The following PDZD2 variants were observed in gnomAD, a reference collection of about 807,000 sequenced individuals.
PDZD2 encodes PDZ domain-containing protein 2.
Under a neutral mutation model 220.7 loss-of-function variants are expected in PDZD2, and 90 were observed. That is an observed-to-expected ratio of 0.41 (90% CI 0.34 to 0.49). The LOEUF is 0.49. Among genes scored for constraint, PDZD2 ranks in the 20% least tolerant of loss-of-function variants. The pLI, the probability that PDZD2 is intolerant of heterozygous loss-of-function variation, is 0.28. For synonymous variants in PDZD2, 1,375 were observed against 1,450.5 expected (o/e 0.95, Z 1.18); for missense variants, 3,174 against 3,608.5 (o/e 0.88, Z 3.08).
At position 32,010,046 on chromosome 5, in the gene PDZD2, C is replaced by T. The variant is rs1264504545; in HGVS notation, c.1255-284C>T. Among the ~76,000 whole-genome samples, 4 of 139,942 alleles carry T rather than the reference C, an allele frequency of 2.9e-5. 1 individual carries two copies. In the Admixed American group the frequency reaches 3.2e-4, roughly 11 times the overall value. 91.8% of individuals were successfully genotyped at this position (139,942 alleles called of 152,430 possible). A position where few individuals can be genotyped will look rare whatever the true frequency, so the allele number is the denominator to read the frequency against. ...AGGTTGCAATGAGCCGAGATCACGC[C>T]ACTGCACTCCAGCCTGGGCAACAGA... On this transcript the variant is annotated intron_variant, in intron 5 of 24. Coordinates refer to ENST00000438447, the MANE Select transcript of PDZD2 (RefSeq NM_178140.4).
At chr5:32,018,394 A>G (rs530292479) in intron 6 of PDZD2, among the ~76,000 whole-genome samples, 17 of 152,340 alleles carry the variant, frequency 1.1e-4, no homozygotes, top group African/African-American at 3.1e-4. Flanking sequence ...TAGGCCCCCA[A>G]CTGTCTCCCT....
At chr5:31,759,856 A>G (rs900874771) in intron 1 of PDZD2, among the ~76,000 whole-genome samples, 3 of 152,060 alleles carry the variant, frequency 2.0e-5, no homozygotes, top group Non-Finnish European at 4.4e-5. Flanking sequence ...CAGAACTCTT[A>G]ATAGGGTGTG....
At chr5:31,721,282 A>G (rs1487454405) in intron 1 of PDZD2, among the ~76,000 whole-genome samples, 1 of 152,090 alleles carries the variant, frequency 6.6e-6, no homozygotes, top group African/African-American at 2.4e-5. Context: ...ATGGAAACAG[A>G]TGAAGCCAGA....
intron 14 of PDZD2, among the ~76,000 whole-genome samples, chr5:32,066,291 G>A (rs1561490498): frequency 2.0e-5 from 3 of 152,152 alleles, no homozygotes; most frequent in Admixed American, 1.3e-4. Context: ...GTTGCAGTAA[G>A]CTAAGATCAC....
rs527263776 is a variant in PDZD2 at position 31,842,602 on chromosome 5, T to C, written c.476+42878T>C. ...CCAGAAGTCAAGAAACCTGGGTTCCTGGAAGTTCCCATATCCTTTTCACAG... is the reference window on the plus strand; with the variant it reads ...CCAGAAGTCAAGAAACCTGGGTTCCCGGAAGTTCCCATATCCTTTTCACAG... On this transcript the variant is annotated intron_variant, in intron 2 of 24. Transcript: ENST00000438447. 3.3e-5 allele frequency among the ~76,000 whole-genome samples: 5 copies of C among 152,350 alleles called. No homozygotes were observed. The East Asian group carries it at 9.7e-4, about 29-fold the overall frequency.
In PDZD2 at chr5:31,926,890, TA is replaced by T. The variant is rs373253336; in HGVS notation, c.477-56257del. ...TACACCATGAAATACGACACAGTCA[TA>T]AAAAAAATGAAATCATGTCTTTTGC... On this transcript the variant is annotated intron_variant, in intron 2 of 24. Coordinates refer to ENST00000438447, the MANE Select transcript of PDZD2 (RefSeq NM_178140.4). 1.6e-3 allele frequency among the ~76,000 whole-genome samples: 237 copies of T among 152,134 alleles called. 1 individual carries two copies. The highest frequency in any genetic ancestry group is 5.3e-3 in the African/African-American group (219 of 41,496).
chr5:31,835,313 A>G (rs946023258), intron 2 of PDZD2, among the ~76,000 whole-genome samples: 2 of 152,090 alleles, frequency 1.3e-5, no homozygotes, highest in Middle Eastern at 3.2e-3. Flanking sequence ...GTTCTATTTA[A>G]TGTTTTCAAA....
At chr5:31,727,750 C>A (rs947548292) in intron 1 of PDZD2, among the ~76,000 whole-genome samples, 9 of 147,714 alleles carry the variant, frequency 6.1e-5, no homozygotes, top group African/African-American at 2.0e-4. Flanking sequence ...CACCTGTAAA[C>A]CCAACACTTC....
At chr5:31,715,875 A>G (rs936471401) in intron 1 of PDZD2, among the ~76,000 whole-genome samples, 1 of 152,212 alleles carries the variant, frequency 6.6e-6, no homozygotes, top group Non-Finnish European at 1.5e-5. Context: ...GTTTGTTTAC[A>G]TGGCTTTTGT....
intron 2 of PDZD2, among the ~76,000 whole-genome samples, chr5:31,953,956 T>A (rs1046636630): frequency 2.6e-5 from 4 of 152,002 alleles, no homozygotes; most frequent in African/African-American, 9.7e-5. Context: ...GCTAAAAAAA[T>A]TTGTTTTTAA....
intron 1 of PDZD2, among the ~76,000 whole-genome samples, chr5:31,695,282 TGAG>T (rs1290835649): frequency 6.6e-6 from 1 of 152,212 alleles, no homozygotes. Context: ...TCAGGGCTGC[TGAG>T]GAGATCTAGA....
At chr5:31,692,252 G>A (rs34039642) in intron 1 of PDZD2, among the ~76,000 whole-genome samples, 57,009 of 152,118 alleles carry the variant, frequency 0.37, 11,163 homozygotes, top group East Asian at 0.52. Context: ...GGGGCCGGCC[G>A]GGCGAGTGCG....
At chr5:31,941,245 A>G (rs1746191607) in intron 2 of PDZD2, among the ~76,000 whole-genome samples, 2 of 152,172 alleles carry the variant, frequency 1.3e-5, no homozygotes, top group Admixed American at 6.5e-5. Context: ...CTTTCCAAGG[A>G]GCCCCATCTT....
At chr5:31,810,461 T>C (rs113487302) in intron 2 of PDZD2, among the ~76,000 whole-genome samples, 5,285 of 152,192 alleles carry the variant, frequency 0.035, 310 homozygotes, top group African/African-American at 0.12. Context: ...GAGACGGGGT[T>C]TCACTGTGTT....
At chr5:31,753,276 G>A (rs1330170241) in intron 1 of PDZD2, among the ~76,000 whole-genome samples, 4 of 152,214 alleles carry the variant, frequency 2.6e-5, no homozygotes, top group Admixed American at 6.5e-5. Flanking sequence ...TGAGGGGCAC[G>A]GATGCAGGTT....
intron 2 of PDZD2, among the ~76,000 whole-genome samples, chr5:31,922,560 T>C (rs1744365575): frequency 6.6e-6 from 1 of 152,216 alleles, no homozygotes; most frequent in South Asian, 2.1e-4. Flanking sequence ...GTTGCTACTG[T>C]TAAGCTTATG....
chr5:31,880,572 C>T lies in PDZD2; in HGVS notation c.476+80848C>T, dbSNP rs1174780369. Reference sequence around the variant, plus strand: ...AGATCAAAATCTGATCTGCAGGAACCCTATTTTGATTGGCTGTTGGGCATT... The same window carrying T: ...AGATCAAAATCTGATCTGCAGGAACTCTATTTTGATTGGCTGTTGGGCATT... On this transcript the variant is annotated intron_variant, in intron 2 of 24. Coordinates refer to ENST00000438447, the MANE Select transcript of PDZD2 (RefSeq NM_178140.4). Among the ~76,000 whole-genome samples, 4 of 152,026 alleles carry T rather than the reference C, an allele frequency of 2.6e-5. No homozygotes were observed. In the East Asian group the frequency reaches 7.7e-4, roughly 29 times the overall value.
chr5:31,749,854 G>T (rs1016883695), intron 1 of PDZD2, among the ~76,000 whole-genome samples: 2 of 152,212 alleles, frequency 1.3e-5, no homozygotes, highest in African/African-American at 2.4e-5. Context: ...CAGGTGAGCC[G>T]CGCGTGGCTT....
At position 31,685,523 on chromosome 5, in the gene PDZD2, T is replaced by TTTA. The variant is rs201453809; in HGVS notation, c.-361+46098_-361+46100dup. On this transcript the variant is annotated intron_variant, in intron 1 of 24. Coordinates refer to ENST00000438447, the MANE Select transcript of PDZD2 (RefSeq NM_178140.4). The stretch of plus-strand genomic sequence containing the variant: ...CATACCCACTACCCTTCGCATTTAT[T>TTTA]TTATTATTATTATTTTTTGAGACAG... Among the ~76,000 whole-genome samples the TTTA allele has an allele frequency of 3.6e-3, 553 of 152,174 alleles. 7 individuals are homozygous for TTTA. Among genetic ancestry groups the TTTA allele is most frequent in the African/African-American group, 0.013 (525 of 41,514 alleles).
Sources: gnomAD v4.1 joint callset for allele counts (sites outside exome capture counted in the v4.1 genomes callset) on GRCh38, gnomAD v4.1.1 for gene constraint, MANE v1.5 for transcripts, NCBI Gene and HGNC (gene_info 2026-07-23, HGNC 2026-07-21) for gene names.